Variants in NXPE2 observed in about 807,000 individuals in gnomAD.
The protein encoded by NXPE2 is neurexophilin and PC-esterase domain family member 2.
In NXPE2, 34 loss-of-function variants were observed where a neutral mutation model predicts 34.4. That is an observed-to-expected ratio of 0.99 (90% CI 0.75 to 1.31). The LOEUF (loss-of-function observed/expected upper bound fraction) is 1.31, where lower values mean the gene tolerates loss of function less well. Ranked by LOEUF, NXPE2 falls within the 40% of genes most tolerant of loss-of-function variation. The pLI is 0.00. For missense variants in NXPE2, 649 were observed against 672.5 expected (o/e 0.97, Z 0.39); for synonymous variants, 235 against 231.3 (o/e 1.02, Z -0.15).
the NXPE2 span, among the ~76,000 whole-genome samples, chr11:114,535,669 T>C: frequency 6.6e-6 from 1 of 151,404 alleles, no homozygotes; most frequent in Non-Finnish European, 1.5e-5. Flanking sequence ...CCAACAAAGA[T>C]CAAAAGAGAC....
the NXPE2 span, among the ~76,000 whole-genome samples, chr11:114,777,736 G>C: frequency 1.3e-5 from 2 of 152,176 alleles, no homozygotes; most frequent in African/African-American, 4.8e-5. Context: ...ATGAAAAGCA[G>C]GACTCAGGAG....
At chr11:114,707,976 T>C (rs1439984846), downstream of NXPE2, among the ~76,000 whole-genome samples, 3 of 152,250 alleles carry the variant, frequency 2.0e-5, no homozygotes, top group African/African-American at 4.8e-5. Flanking sequence ...CCCTTTTGGC[T>C]ACTGTAAATA....
the NXPE2 span, among the ~76,000 whole-genome samples, chr11:114,788,511 A>G: frequency 1.3e-5 from 2 of 152,334 alleles, no homozygotes; most frequent in African/African-American, 2.4e-5. Flanking sequence ...GACCACCAGT[A>G]TCTCTCCAGT....
At chr11:114,517,164 G>GA in the NXPE2 span, among the ~76,000 whole-genome samples, 6 of 152,242 alleles carry the variant, frequency 3.9e-5, no homozygotes, top group East Asian at 1.2e-3. Flanking sequence ...TCTCTGTTGG[G>GA]ATCTTTCAGG....
the NXPE2 span, among the ~76,000 whole-genome samples, chr11:114,490,041 G>A: frequency 9.2e-5 from 14 of 152,222 alleles, no homozygotes; most frequent in South Asian, 2.1e-3. Flanking sequence ...CAAAAATCAC[G>A]AGCATTCTTA....
the NXPE2 span, among the ~76,000 whole-genome samples, chr11:114,629,385 T>C: frequency 6.6e-6 from 1 of 152,016 alleles, no homozygotes; most frequent in East Asian, 1.9e-4. Flanking sequence ...TCAATAAATG[T>C]AATCCAGCAT....
chr11:114,498,803 A>G, the NXPE2 span, among the ~76,000 whole-genome samples: 2 of 152,192 alleles, frequency 1.3e-5, 1 homozygote. Flanking sequence ...CTAGTGGATT[A>G]GCATGTTATT....
chr11:114,619,108 GATA>G, the NXPE2 span, among the ~76,000 whole-genome samples: 20 of 152,070 alleles, frequency 1.3e-4, no homozygotes, highest in African/African-American at 4.8e-4. Context: ...TTGCACTGTG[GATA>G]ATAAGTGTTG....
At chr11:114,582,543 CAG>C in the NXPE2 span, 2 of 1,614,168 alleles carry the variant, frequency 1.2e-6, no homozygotes. Context: ...CCTTGCACTC[CAG>C]AGAGCTGACA....
chr11:114,623,814 C>A, the NXPE2 span, among the ~76,000 whole-genome samples: 1,790 of 152,244 alleles, frequency 0.012, 16 homozygotes, highest in Non-Finnish European at 0.018. Flanking sequence ...AGAATTGCCT[C>A]GTGGGTAACC....
upstream of NXPE2, among the ~76,000 whole-genome samples, chr11:114,678,115 G>A (rs572461632): frequency 6.6e-6 from 1 of 152,140 alleles, no homozygotes; most frequent in African/African-American, 2.4e-5. Flanking sequence ...AAATTGAGAG[G>A]ACCCAGCTGA....
chr11:114,605,939 T>C, the NXPE2 span, among the ~76,000 whole-genome samples: 1 of 151,824 alleles, frequency 6.6e-6, no homozygotes. Context: ...GAAACCACTG[T>C]TACCTGGTGG....
chr11:114,668,585 C>A, the NXPE2 span, among the ~76,000 whole-genome samples: 2 of 151,916 alleles, frequency 1.3e-5, no homozygotes, highest in Non-Finnish European at 2.9e-5. Flanking sequence ...ATAAACACAG[C>A]CATAAGGTAT....
At chr11:114,757,430 C>T in the NXPE2 span, among the ~76,000 whole-genome samples, 3 of 151,780 alleles carry the variant, frequency 2.0e-5, no homozygotes, top group Non-Finnish European at 2.9e-5. Context: ...CTACTGGTAA[C>T]AGAAGCTCTT....
chr11:114,665,293 C>T, the NXPE2 span, among the ~76,000 whole-genome samples: 2 of 152,068 alleles, frequency 1.3e-5, no homozygotes, highest in Admixed American at 1.3e-4. Context: ...TAATTTCTCC[C>T]CCACAATCTC....
At chr11:114,644,868 C>A in the NXPE2 span, among the ~76,000 whole-genome samples, 1,334 of 151,792 alleles carry the variant, frequency 8.8e-3, 19 homozygotes, top group African/African-American at 0.031. Flanking sequence ...ATTTGCATAG[C>A]TATAAACAAA....
chr11:114,533,924 T>A, the NXPE2 span, among the ~76,000 whole-genome samples: 2 of 152,180 alleles, frequency 1.3e-5, no homozygotes, highest in African/African-American at 4.8e-5. Flanking sequence ...GTCTGACAGC[T>A]TTGAAGAGAG....
At chr11:114,551,539 T>A in the NXPE2 span, 4 of 377,020 alleles carry the variant, frequency 1.1e-5, no homozygotes, top group East Asian at 4.5e-4. Flanking sequence ...GCAGAAAACT[T>A]AATTCATCAG....
At chr11:114,580,347 G>C in the NXPE2 span, 1 of 1,611,290 alleles carries the variant, frequency 6.2e-7, no homozygotes, top group Non-Finnish European at 8.5e-7. Context: ...TTCTGCCAAA[G>C]AATCAATGAG....
Sources: gnomAD v4.1 joint callset for allele counts (sites outside exome capture counted in the v4.1 genomes callset) on GRCh38, gnomAD v4.1.1 for gene constraint, MANE v1.5 for transcripts, NCBI Gene and HGNC (gene_info 2026-07-23, HGNC 2026-07-21) for gene names.